The following TGFB2 variants were observed in gnomAD, a reference collection of about 807,000 sequenced individuals.
TGFB2 encodes the protein transforming growth factor beta-2 proprotein.
Under a neutral mutation model 42.7 loss-of-function variants are expected in TGFB2, and 13 were observed. The ratio of observed to expected loss-of-function variants is 0.30; its 90% CI spans 0.20 to 0.48. The LOEUF (loss-of-function observed/expected upper bound fraction) is 0.48, where lower values mean the gene tolerates loss of function less well. TGFB2 is among the 20% of genes least tolerant of loss of function. The pLI, the probability that TGFB2 is intolerant of heterozygous loss-of-function variation, is 0.99. For synonymous variants in TGFB2, 193 were observed against 193.6 expected (o/e 1.00, Z 0.03); for missense variants, 390 against 517.5 (o/e 0.75, Z 2.39).
At chr1:218,431,152 A>G (rs1292235288) in intron 2 of TGFB2, among the ~76,000 whole-genome samples, 2 of 152,322 alleles carry the variant, frequency 1.3e-5, no homozygotes, top group South Asian at 4.1e-4. Context: ...GGTGGTTTAT[A>G]TGTGGCCTGT....
In TGFB2 at chr1:218,346,056, G is replaced by GCACA. The variant is rs151329324; in HGVS notation, c.-624_-621dup. On this transcript the variant is annotated 5_prime_UTR_variant, in exon 1 of 7. Transcript: ENST00000366930. The surrounding 1 kb of genome is among the most constrained non-coding windows in gnomAD (Gnocchi z 4.9). ...GGGCTCGCCCCCAGCGCGCGCACAC[G>GCACA]CACACACACACACACACACACACAC... 0.011 allele frequency among the ~76,000 whole-genome samples: 1,542 copies of GCACA among 145,660 alleles called. 16 individuals are homozygous for GCACA. The highest frequency in any genetic ancestry group is 0.028 in the African/African-American group (1,105 of 39,690).
chr1:218,375,099 G>A (rs1268655522), intron 1 of TGFB2, among the ~76,000 whole-genome samples: 2 of 152,114 alleles, frequency 1.3e-5, no homozygotes, highest in East Asian at 1.9e-4. Context: ...TAACCCTGGA[G>A]GGACCCCTGT....
At chr1:218,439,612 C>A (rs1260360713) in intron 6 of TGFB2, among the ~76,000 whole-genome samples, 1 of 152,196 alleles carries the variant, frequency 6.6e-6, no homozygotes, top group Non-Finnish European at 1.5e-5. Flanking sequence ...TAGACTTTGG[C>A]ACTCGGGGGC....
intron 1 of TGFB2, among the ~76,000 whole-genome samples, chr1:218,392,879 A>G (rs992295536): frequency 6.6e-6 from 1 of 152,202 alleles, no homozygotes; most frequent in South Asian, 2.1e-4. Flanking sequence ...AACAGCTTGC[A>G]ATCCTAGCAG....
rs746416777 is a variant in TGFB2, at chr1:218,346,962, C to T, written c.261C>T (p.Ala87=). 5 of 1,613,770 alleles carry T rather than the reference C, an allele frequency of 3.1e-6. No homozygotes were observed. The highest frequency in any genetic ancestry group is 4.2e-6 in the Non-Finnish European group (5 of 1,179,904). ...AGGAGAAGGCGAGCCGGAGGGCGGC[C>T]GCCTGCGAGCGCGAGAGGAGCGACG... ...LLQEKASRRA[A]ACERERSDEE... Residue 87 remains alanine (A), a synonymous_variant, in exon 1 of 7, where the codon GCC becomes GCT. Transcript: ENST00000366930. This position sits in a 1 kb window ranked among gnomAD's most constrained non-coding sequence, Gnocchi z 4.9.
At chr1:218,397,880 A>C (rs1571868633) in intron 1 of TGFB2, among the ~76,000 whole-genome samples, 1 of 151,954 alleles carries the variant, frequency 6.6e-6, no homozygotes, top group Non-Finnish European at 1.5e-5. Context: ...GATAAACAAA[A>C]CCTCCAGGCC....
intron 1 of TGFB2, among the ~76,000 whole-genome samples, chr1:218,347,354 C>T (rs1174041588): frequency 6.6e-6 from 1 of 152,186 alleles, no homozygotes; most frequent in Non-Finnish European, 1.5e-5. Context: ...AGGAGTCAGC[C>T]CCACTCTGTC....
At chr1:218,387,587 AC>A (rs1658179783) in intron 1 of TGFB2, among the ~76,000 whole-genome samples, 1 of 151,874 alleles carries the variant, frequency 6.6e-6, no homozygotes, top group Admixed American at 6.6e-5. Context: ...ACACGAGGGA[AC>A]CGAGGCCTGG....
At chr1:218,434,256 T>C in intron 3 of TGFB2, 42 bp downstream of exon 3, 3 of 1,611,862 alleles carry the variant, frequency 1.9e-6, no homozygotes, top group Non-Finnish European at 1.7e-6. Flanking sequence ...ATGTTCAGTA[T>C]CCCTAAGTTA....
At chr1:218,403,204 G>T (rs1274044621) in intron 1 of TGFB2, among the ~76,000 whole-genome samples, 2 of 147,474 alleles carry the variant, frequency 1.4e-5, no homozygotes, top group African/African-American at 2.7e-5. Context: ...TGGATTTTTT[G>T]GGGTTTTTTT....
At chr1:218,363,580 A>C (rs10482742) in intron 1 of TGFB2, among the ~76,000 whole-genome samples, 304 of 152,320 alleles carry the variant, frequency 2.0e-3, no homozygotes, top group African/African-American at 6.9e-3. Flanking sequence ...TTTTAGTAAG[A>C]GTTTACATGA....
intron 1 of TGFB2, among the ~76,000 whole-genome samples, chr1:218,365,024 CT>C (rs890057765): frequency 1.2e-4 from 19 of 152,160 alleles, no homozygotes; most frequent in Non-Finnish European, 2.5e-4. Flanking sequence ...TGAATACCCC[CT>C]ATGTCCCTGG....
chr1:218,389,550 T>C lies in TGFB2; in HGVS notation c.347-15619T>C, dbSNP rs148097688. ...CCGGCTGAAGAACATTCTCAAGTGT[T>C]TAAGATCACTGAAAAGAATTGAGAG... On this transcript the variant is annotated intron_variant, in intron 1 of 6. Coordinates refer to ENST00000366930, the MANE Select transcript of TGFB2 (RefSeq NM_003238.6). 9.2e-5 allele frequency among the ~76,000 whole-genome samples: 14 copies of C among 152,322 alleles called. No homozygotes were observed. The East Asian group carries it at 2.7e-3, about 29-fold the overall frequency.
chr1:218,383,249 C>T (rs1658022595), intron 1 of TGFB2, among the ~76,000 whole-genome samples: 1 of 152,190 alleles, frequency 6.6e-6, no homozygotes, highest in Admixed American at 6.5e-5. Context: ...AGACTATGAG[C>T]TCGAATGGAG....
intron 1 of TGFB2, among the ~76,000 whole-genome samples, chr1:218,365,333 C>T (rs891961767): frequency 6.6e-5 from 10 of 152,152 alleles, no homozygotes; most frequent in Non-Finnish European, 1.3e-4. Flanking sequence ...CTTTTCCTCC[C>T]ATAGTAAACA....
chr1:218,424,106 C>CT (rs1246770502), intron 2 of TGFB2, among the ~76,000 whole-genome samples: 2 of 152,310 alleles, frequency 1.3e-5, no homozygotes, highest in East Asian at 3.9e-4. Flanking sequence ...TGAAATTCCA[C>CT]TTTTTTCTGC....
At chr1:218,429,106 G>A (rs745522025) in intron 2 of TGFB2, among the ~76,000 whole-genome samples, 3 of 149,172 alleles carry the variant, frequency 2.0e-5, no homozygotes, top group Non-Finnish European at 4.4e-5. Context: ...TCAGTCTCCC[G>A]AGTAGCTGGG....
chr1:218,423,098 G>C (rs1659509190), intron 2 of TGFB2, among the ~76,000 whole-genome samples: 1 of 152,144 alleles, frequency 6.6e-6, no homozygotes, highest in Admixed American at 6.5e-5. Context: ...CCTGCTGTAG[G>C]TAAGCCAAGA....
chr1:218,351,460 G>A (rs1656865150), intron 1 of TGFB2, among the ~76,000 whole-genome samples: 1 of 152,124 alleles, frequency 6.6e-6, no homozygotes, highest in Non-Finnish European at 1.5e-5. Context: ...TAACTCTAGT[G>A]TCTAATTGTG....
Sources: gnomAD v4.1 joint callset for allele counts (sites outside exome capture counted in the v4.1 genomes callset) on GRCh38, gnomAD v4.1.1 for gene constraint, Gnocchi (gnomAD v3.1) non-coding constraint, MANE v1.5 for transcripts, NCBI Gene and HGNC (gene_info 2026-07-23, HGNC 2026-07-21) for gene names.